The following CACNB4 variants were observed in gnomAD, a reference collection of about 807,000 sequenced individuals.
CACNB4 encodes the protein voltage-dependent L-type calcium channel subunit beta-4.
CACNB4 carries 32 observed loss-of-function variants against 71.2 expected under a neutral mutation model. That is an observed-to-expected ratio of 0.45 (90% CI 0.34 to 0.60). CACNB4 has a LOEUF of 0.60. Among genes scored for constraint, CACNB4 ranks in the 20% least tolerant of loss-of-function variants. The probability of loss-of-function intolerance (pLI) is 0.01; values close to 1 mark genes in which losing one functional copy is unlikely to be tolerated. For synonymous variants in CACNB4, 231 were observed against 236.9 expected (o/e 0.97, Z 0.23); for missense variants, 464 against 647.9 (o/e 0.72, Z 3.08).
At chr2:151,899,376 G>A (rs2099852842) in intron 2 of CACNB4, among the ~76,000 whole-genome samples, 2 of 152,050 alleles carry the variant, frequency 1.3e-5, no homozygotes, top group South Asian at 4.2e-4. Flanking sequence ...GCAGAAGGAA[G>A]GTCCCTGGAA....
At chr2:152,074,644 T>C (rs11886891) in intron 2 of CACNB4, among the ~76,000 whole-genome samples, 4,235 of 39,574 alleles carry the variant, frequency 0.11, 308 homozygotes, top group East Asian at 0.45. Flanking sequence ...ACCACCTCTA[T>C]CATCACCATC....
At chr2:152,096,884 C>G (rs1688299806) in intron 2 of CACNB4, among the ~76,000 whole-genome samples, 1 of 152,184 alleles carries the variant, frequency 6.6e-6, no homozygotes, top group Non-Finnish European at 1.5e-5. Context: ...ATGGAAAGAA[C>G]TGCTGTGTAA....
intron 2 of CACNB4, among the ~76,000 whole-genome samples, chr2:152,049,854 G>A (rs527347743): frequency 5.9e-5 from 9 of 152,340 alleles, no homozygotes; most frequent in African/African-American, 1.9e-4. Flanking sequence ...CTTTTAGAGC[G>A]TTCAAGTTAA....
intron 2 of CACNB4, among the ~76,000 whole-genome samples, chr2:152,067,269 G>A (rs1404739748): frequency 6.6e-6 from 1 of 152,190 alleles, no homozygotes; most frequent in African/African-American, 2.4e-5. Flanking sequence ...AAGGCAGACA[G>A]TTCTGAGATA....
intron 2 of CACNB4, chr2:151,972,659 A>G (rs1402174718): frequency 6.6e-6 from 1 of 151,898 alleles, no homozygotes; most frequent in African/African-American, 2.4e-5. Flanking sequence ...ATCATTAGAC[A>G]TATACGTCTG....
chr2:152,068,495 C>T (rs1380115861), intron 2 of CACNB4, among the ~76,000 whole-genome samples: 1 of 152,156 alleles, frequency 6.6e-6, no homozygotes, highest in Non-Finnish European at 1.5e-5. Context: ...AGAGGAAGAT[C>T]ATCGGGAGTG....
At chr2:151,845,018 C>T (rs1260323154) in intron 12 of CACNB4, among the ~76,000 whole-genome samples, 1 of 152,152 alleles carries the variant, frequency 6.6e-6, no homozygotes, top group African/African-American at 2.4e-5. Context: ...CATTCACAGC[C>T]AGGATTGCAA....
At chr2:152,021,182 G>A (rs1683645729) in intron 2 of CACNB4, among the ~76,000 whole-genome samples, 1 of 152,170 alleles carries the variant, frequency 6.6e-6, no homozygotes, top group Non-Finnish European at 1.5e-5. Flanking sequence ...GGGAGGCGGA[G>A]GTTGCAGTGA....
At chr2:152,071,146 G>A (rs1686666291) in intron 2 of CACNB4, among the ~76,000 whole-genome samples, 2 of 152,194 alleles carry the variant, frequency 1.3e-5, no homozygotes, top group African/African-American at 4.8e-5. Context: ...ATCAAAGGCT[G>A]TATACTTAAT....
chr2:152,095,094 T>G (rs1043212122), intron 2 of CACNB4, among the ~76,000 whole-genome samples: 1 of 152,218 alleles, frequency 6.6e-6, no homozygotes, highest in Non-Finnish European at 1.5e-5. Context: ...TCTTCTCACC[T>G]TTCCTCAAAG....
intron 12 of CACNB4, among the ~76,000 whole-genome samples, chr2:151,846,953 G>C (rs758407124): frequency 3.3e-5 from 5 of 152,032 alleles, no homozygotes. Context: ...ATAATGATAC[G>C]CATTGCTTTA....
chr2:151,900,603 G>A (rs989833430), intron 2 of CACNB4, among the ~76,000 whole-genome samples: 2 of 152,178 alleles, frequency 1.3e-5, no homozygotes, highest in Admixed American at 6.5e-5. Flanking sequence ...CAGGAAAGCC[G>A]GGAGGAAGTG....
At chr2:151,942,457 A>T (rs1298785102) in intron 2 of CACNB4, among the ~76,000 whole-genome samples, 1 of 149,062 alleles carries the variant, frequency 6.7e-6, no homozygotes, top group Non-Finnish European at 1.5e-5. Flanking sequence ...ATTGTAAAAC[A>T]TGTGTGTTTG....
At chr2:152,084,026 T>C (rs762978017) in intron 2 of CACNB4, among the ~76,000 whole-genome samples, 2 of 152,194 alleles carry the variant, frequency 1.3e-5, no homozygotes, top group South Asian at 4.1e-4. Context: ...TATAAATTAC[T>C]GTGAGTATGG....
chr2:151,845,476 T>C (rs1474505240), intron 12 of CACNB4, among the ~76,000 whole-genome samples: 2 of 128,400 alleles, frequency 1.6e-5, no homozygotes, highest in African/African-American at 4.0e-5. Context: ...AAACTCAGTA[T>C]CAGGGAAAAC....
At chr2:151,885,456 G>T (rs138290255) in intron 2 of CACNB4, among the ~76,000 whole-genome samples, 245 of 152,294 alleles carry the variant, frequency 1.6e-3, no homozygotes, top group African/African-American at 5.7e-3. Context: ...TGAGCTGCAT[G>T]TGACATTAAA....
chr2:151,895,636 C>T (rs1482418601), intron 2 of CACNB4, among the ~76,000 whole-genome samples: 1 of 151,668 alleles, frequency 6.6e-6, no homozygotes, highest in South Asian at 2.1e-4. Flanking sequence ...TCTCTATATA[C>T]CTATATATAT....
At position 151,872,012 on chromosome 2, in the gene CACNB4, G is replaced by A. The variant is rs370330979; in HGVS notation, c.598+405C>T. 5.7e-5 allele frequency: 15 copies of A among 262,214 alleles called. No individual in the cohort carries two copies. The East Asian group carries it at 1.0e-3, about 18-fold the overall frequency. The allele number at this position is 262,214 out of a possible 1,614,324, so 16.2% of individuals were successfully genotyped here. ...TGCTTCAACCCTTCCAGCTCGGGCT[G>A]TACTAATACATCCTGAAATTCCACA... is the stretch of plus-strand genomic sequence containing the variant. On this transcript the variant is annotated intron_variant, in intron 6 of 13. Coordinates refer to ENST00000539935, the MANE Select transcript of CACNB4 (RefSeq NM_000726.5).
At chr2:151,845,686 G>A (rs1425396487) in intron 12 of CACNB4, among the ~76,000 whole-genome samples, 4 of 152,194 alleles carry the variant, frequency 2.6e-5, no homozygotes, top group African/African-American at 9.7e-5. Context: ...TTACCCACTC[G>A]GTGATACCAT....
Sources: allele counts gnomAD v4.1 joint callset (sites outside exome capture counted in the v4.1 genomes callset), GRCh38; gene constraint gnomAD v4.1.1; transcripts MANE v1.5; gene names NCBI Gene and HGNC (gene_info 2026-07-23, HGNC 2026-07-21).